The following SCN11A variants were observed in gnomAD, a reference collection of about 807,000 sequenced individuals.
SCN11A encodes the protein sodium channel protein type 11 subunit alpha.
SCN11A carries 122 observed loss-of-function variants against 162.2 expected under a neutral mutation model. The observed-to-expected ratio is 0.75, with a 90% CI of 0.65 to 0.87. The LOEUF is 0.87. SCN11A is among the 40% of genes least tolerant of loss of function. The pLI, the probability that SCN11A is intolerant of heterozygous loss-of-function variation, is 0.00. For synonymous variants in SCN11A, 758 were observed against 751.5 expected (o/e 1.01, Z -0.14); for missense variants, 2,015 against 2,181.6 (o/e 0.92, Z 1.52).
At chr3:38,964,301 A>T (rs2066767667) in intron 2 of SCN11A, among the ~76,000 whole-genome samples, 1 of 152,176 alleles carries the variant, frequency 6.6e-6, no homozygotes, top group South Asian at 2.1e-4. Context: ...GTGGCCAGGT[A>T]AGGTGCATCA....
At chr3:38,860,937 G>C (rs1476434980) in intron 28 of SCN11A, among the ~76,000 whole-genome samples, 5 of 152,112 alleles carry the variant, frequency 3.3e-5, no homozygotes, top group Admixed American at 2.0e-4. Flanking sequence ...AATTGGAAAA[G>C]AGGAAGTCAA....
intron 3 of SCN11A, among the ~76,000 whole-genome samples, chr3:38,955,020 G>A (rs765022627): frequency 2.0e-5 from 3 of 152,072 alleles, no homozygotes; most frequent in Non-Finnish European, 4.4e-5. Flanking sequence ...GTAACATTGA[G>A]GCCAGGTGCA....
At chr3:38,855,201 C>T (rs1474503357) in intron 28 of SCN11A, among the ~76,000 whole-genome samples, 1 of 152,178 alleles carries the variant, frequency 6.6e-6, no homozygotes, top group African/African-American at 2.4e-5. Context: ...AGGAGCAAGA[C>T]CAGCCTCACC....
intron 2 of SCN11A, among the ~76,000 whole-genome samples, chr3:38,963,352 GAT>G (rs377651422): frequency 0.055 from 2,086 of 38,096 alleles, 75 homozygotes; most frequent in East Asian, 0.17. Context: ...CTATTTGATG[GAT>G]ATATATATAT....
In SCN11A at chr3:38,979,963, G is replaced by C. The variant is rs140591855; in HGVS notation, c.-279-19540C>G. 3.0e-3 allele frequency among the ~76,000 whole-genome samples: 450 copies of C among 152,310 alleles called. 1 individual carries two copies. The highest frequency in any genetic ancestry group is 0.01 in the African/African-American group (432 of 41,574). On this transcript the variant is annotated intron_variant, in intron 2 of 29. Transcript: ENST00000302328. ...TTCAGCTTCTTTGCTCAACAGAAGA[G>C]AAAGCCGCTTGTTGTTCTGTGGTCA...
At chr3:39,033,649 T>A (rs1262874478) in intron 1 of SCN11A, among the ~76,000 whole-genome samples, 1 of 152,186 alleles carries the variant, frequency 6.6e-6, no homozygotes, top group Non-Finnish European at 1.5e-5. Context: ...CACATGGCTA[T>A]CATTAGGCAT....
At chr3:39,026,326 C>T (rs370005931) in intron 2 of SCN11A, among the ~76,000 whole-genome samples, 2 of 152,140 alleles carry the variant, frequency 1.3e-5, no homozygotes, top group South Asian at 2.1e-4. Context: ...AAGATGTGTT[C>T]ACTGTTCTCT....
At chr3:38,923,052 C>A (rs948413012) in intron 9 of SCN11A, among the ~76,000 whole-genome samples, 10 of 152,064 alleles carry the variant, frequency 6.6e-5, no homozygotes, top group African/African-American at 1.7e-4. Flanking sequence ...GCTATAATAA[C>A]CTCATTTTTA....
At chr3:38,859,431 T>C (rs1365227010) in intron 28 of SCN11A, among the ~76,000 whole-genome samples, 8 of 151,836 alleles carry the variant, frequency 5.3e-5, no homozygotes, top group Admixed American at 5.3e-4. Flanking sequence ...AACGGATAAA[T>C]TCCTGGAAAT....
intron 18 of SCN11A, among the ~76,000 whole-genome samples, 162 bp from the exon 19 acceptor site, chr3:38,895,126 T>A (rs2065574825): frequency 6.6e-6 from 1 of 151,960 alleles, no homozygotes; most frequent in Admixed American, 6.6e-5. Context: ...AAATAAAAGA[T>A]TGAGAAAGAA....
chr3:38,964,129 G>C (rs2066765651), intron 2 of SCN11A, among the ~76,000 whole-genome samples: 1 of 152,200 alleles, frequency 6.6e-6, no homozygotes, highest in South Asian at 2.1e-4. Context: ...CCTGTGCTGG[G>C]TCCACATTGT....
chr3:39,034,750 A>G (rs981782130), intron 1 of SCN11A, among the ~76,000 whole-genome samples: 1 of 152,244 alleles, frequency 6.6e-6, no homozygotes, highest in African/African-American at 2.4e-5. Flanking sequence ...TGATAAACAA[A>G]TTCAGTAGAG....
intron 28 of SCN11A, among the ~76,000 whole-genome samples, chr3:38,861,525 G>T (rs771964622): frequency 3.3e-5 from 5 of 152,082 alleles, no homozygotes; most frequent in Non-Finnish European, 7.4e-5. Context: ...AAACAGCATG[G>T]TACTGGTATA....
chr3:38,969,273 A>ACT (rs1405142665), intron 2 of SCN11A, among the ~76,000 whole-genome samples: 1 of 152,080 alleles, frequency 6.6e-6, no homozygotes, highest in Non-Finnish European at 1.5e-5. Flanking sequence ...ACTTGTTGCC[A>ACT]CTCTTAATAG....
chr3:38,971,079 T>G (rs138898491), intron 2 of SCN11A, among the ~76,000 whole-genome samples: 1 of 152,274 alleles, frequency 6.6e-6, no homozygotes, highest in East Asian at 1.9e-4. Flanking sequence ...AAGTGTCTGA[T>G]GTGTGTCCCT....
At chr3:38,873,664 T>G (rs2065163713) in intron 23 of SCN11A, among the ~76,000 whole-genome samples, 1 of 152,172 alleles carries the variant, frequency 6.6e-6, no homozygotes. Context: ...TACAGAGACC[T>G]TATACACCTC....
chr3:39,047,289 T>C (rs2032208559), intron 1 of SCN11A, among the ~76,000 whole-genome samples: 1 of 151,818 alleles, frequency 6.6e-6, no homozygotes, highest in African/African-American at 2.4e-5. Flanking sequence ...AACAGCCTGT[T>C]CAATAAATGG....
At chr3:38,904,887 G>A (rs1316177341) in intron 15 of SCN11A, among the ~76,000 whole-genome samples, 2 of 152,132 alleles carry the variant, frequency 1.3e-5, no homozygotes, top group African/African-American at 4.8e-5. Flanking sequence ...GATCTCTTGT[G>A]ACTCCCAGGC....
chr3:38,897,716 T>TAAAAA (rs10711040), intron 17 of SCN11A, among the ~76,000 whole-genome samples: 9 of 132,044 alleles, frequency 6.8e-5, no homozygotes, highest in Non-Finnish European at 1.4e-4. Flanking sequence ...CTCCATCTCA[T>TAAAAA]AAAAAAAAAA....
Sources: allele counts gnomAD v4.1 joint callset (sites outside exome capture counted in the v4.1 genomes callset), GRCh38; gene constraint gnomAD v4.1.1; transcripts MANE v1.5; gene names NCBI Gene and HGNC (gene_info 2026-07-23, HGNC 2026-07-21).